TRIM47: variants seen among roughly 807,000 people sequenced by gnomAD.
TRIM47 encodes tripartite motif containing 47, also known as E3 ubiquitin-protein ligase TRIM47.
Under a neutral mutation model 54.4 loss-of-function variants are expected in TRIM47, and 46 were observed. The observed-to-expected ratio is 0.84, with a 90% CI of 0.67 to 1.08. The LOEUF (loss-of-function observed/expected upper bound fraction) is 1.08. TRIM47 is among the 50% of genes least tolerant of loss of function. The probability of loss-of-function intolerance (pLI) is 0.00; values close to 1 mark genes in which losing one functional copy is unlikely to be tolerated. For synonymous variants in TRIM47, 392 were observed against 410.2 expected, an observed-to-expected ratio of 0.96 and a Z score of 0.54; for missense variants, 825 against 910.1, an observed-to-expected ratio of 0.91 and a Z score of 1.20.
rs1599435523 is a variant in TRIM47, at chr17:75,875,211, A to C, written c.1277-88T>G. Reference sequence around the variant, plus strand: ...CCCCAAGTACCCACCCCCCCAAAACACAGCCTCTCCCCTGCTTTCCAACCG... The same window carrying C: ...CCCCAAGTACCCACCCCCCCAAAACCCAGCCTCTCCCCTGCTTTCCAACCG... On this transcript the variant is annotated intron_variant, in intron 5 of 5. Coordinates refer to ENST00000254816, the MANE Select transcript of TRIM47 (RefSeq NM_033452.3). This position sits in a 1 kb window ranked among gnomAD's most constrained non-coding sequence, Gnocchi z 6.1. 56 of 1,379,538 alleles carry C rather than the reference A, an allele frequency of 4.1e-5. No homozygotes were observed. The highest frequency in any genetic ancestry group is 4.6e-5 in the Non-Finnish European group (47 of 1,031,186). 85.5% of individuals were successfully genotyped at this position (1,379,538 alleles called of 1,614,324 possible).
chr17:75,874,970 A>C lies in TRIM47; in HGVS notation c.1430T>G (p.Leu477Arg). Reference sequence around the variant, plus strand: ...CTCCCAGTAGTAGGTGCCTCGGTCCAGGGCACCCTCGCCCAGCACCTGCTC... The same window carrying C: ...CTCCCAGTAGTAGGTGCCTCGGTCCCGGGCACCCTCGCCCAGCACCTGCTC... Reference protein sequence around the residue: ...HCEQVLGEGALDRGTYYWEVE... With the variant: ...HCEQVLGEGARDRGTYYWEVE... Residue 477 changes from leucine to arginine, a missense_variant, in exon 6 of 6, where the codon CTG (leucine) becomes CGG (arginine). Leu to Arg is a moderately radical substitution (Grantham distance 102). Transcript: ENST00000254816. The surrounding 1 kb of genome is among the most constrained non-coding windows in gnomAD (Gnocchi z 6.2). The C allele has an allele frequency of 6.2e-7, 1 of 1,614,100 alleles. No homozygotes were observed. The highest frequency in any genetic ancestry group is 8.5e-7 in the Non-Finnish European group (1 of 1,179,994).
intron 1 of TRIM47, 24 bp downstream of exon 1, chr17:75,877,850 C>A: frequency 7.6e-7 from 1 of 1,309,534 alleles, no homozygotes. Flanking sequence ...CCCCGGCTCA[C>A]CCGAGTGTGC....
At chr17:75,876,215 C>T (rs2065132871) in intron 3 of TRIM47, 47 bp downstream of exon 3, 2 of 1,573,504 alleles carry the variant, frequency 1.3e-6, no homozygotes, top group Non-Finnish European at 1.7e-6. Context: ...CTCCACCCCA[C>T]CTGTCCCAGC....
chr17:75,875,273 T>C lies in TRIM47; in HGVS notation c.1276+127A>G. On this transcript the variant is annotated intron_variant, in intron 5 of 5. Transcript: ENST00000254816. This position sits in a 1 kb window ranked among gnomAD's most constrained non-coding sequence, Gnocchi z 6.1. ...CCCCGCCGGGGACCACCCCAGGAGC[T>C]GCCCTAGCTCTCCCCACAAACTGGG... 7.3e-7 allele frequency: 1 copy of C among 1,378,718 alleles called. No individual in the cohort carries two copies. Among genetic ancestry groups the C allele is most frequent in the Non-Finnish European group, 1.0e-6 (1 of 1,004,268 alleles). 85.4% of individuals were successfully genotyped at this position (1,378,718 alleles called of 1,614,324 possible).
chr17:75,877,932 G>A lies in TRIM47; in HGVS notation c.617C>T (p.Ala206Val). 3.5e-6 allele frequency: 5 copies of A among 1,440,914 alleles called. No individual in the cohort carries two copies. In the South Asian group the frequency reaches 5.5e-5, roughly 16 times the overall value. The allele number at this position is 1,440,914 out of a possible 1,614,324, so 89.3% of individuals were successfully genotyped here. Residue 206 changes from alanine (A) to valine (V), a missense_variant, in exon 1 of 6, where the codon GCA becomes GTA. Transcript: ENST00000254816. ...ERVCLCEACA[A>V]QEHRGHELVP... ...CAGCTCGTGGCCGCGGTGCTCCTGT[G>A]CGGCGCAGGCCTCGCACAGACACAC... is the stretch of plus-strand genomic sequence containing the variant.
chr17:75,878,455 A>G lies in TRIM47; in HGVS notation c.94T>C (p.Cys32Arg), dbSNP rs2065149508. Reference protein sequence around the residue: ...LPCGHNFCLACLGALWPHRGA... With the variant: ...LPCGHNFCLARLGALWPHRGA... ...CGATGCGGCCAGAGCGCGCCCAGGC[A>G]GGCGAGACAGAAGTTGTGGCCGCAG... Residue 32 changes from cysteine (C) to arginine (R), a missense_variant, in exon 1 of 6, where the codon TGC (cysteine) becomes CGC (arginine). By Grantham distance (180) the Cys-to-Arg change is radical. Coordinates refer to ENST00000254816, the MANE Select transcript of TRIM47 (RefSeq NM_033452.3). 11 of 1,428,726 alleles carry G rather than the reference A, an allele frequency of 7.7e-6. No individual in the cohort carries two copies. The highest frequency in any genetic ancestry group is 1.0e-5 in the Non-Finnish European group (11 of 1,080,910). The allele number at this position is 1,428,726 out of a possible 1,614,324, so 88.5% of individuals were successfully genotyped here. A position where few individuals can be genotyped will look rare whatever the true frequency, so the allele number is the denominator to read the frequency against.
At position 75,876,331 on chromosome 17, in the gene TRIM47, G is replaced by C. The variant is rs1380933112; in HGVS notation, c.933C>G (p.Arg311=). 1.2e-6 allele frequency: 2 copies of C among 1,611,362 alleles called. No individual in the cohort carries two copies. The highest frequency in any genetic ancestry group is 1.7e-6 in the Non-Finnish European group (2 of 1,179,950). The change falls in exon 3 of 6, where the codon CGC becomes CGG. Residue 311 remains arginine (R), a synonymous_variant. Coordinates refer to ENST00000254816, the MANE Select transcript of TRIM47 (RefSeq NM_033452.3). The part of the protein sequence containing the change: ...QGDLRRQEEQ[R]SRLSRARQNL... ...TCTGGCGGGCTCGGCTCAGGCGGCTGCGCTGTTCCTCCTGTCGCCGCAGGT... is the reference window on the plus strand; with the variant it reads ...TCTGGCGGGCTCGGCTCAGGCGGCTCCGCTGTTCCTCCTGTCGCCGCAGGT...
In TRIM47 at chr17:75,876,355, G is replaced by A; in HGVS notation, c.909C>T (p.Asp303=). The A allele has an allele frequency of 6.2e-7, 1 of 1,612,040 alleles. No individual in the cohort carries two copies. Among genetic ancestry groups the A allele is most frequent in the Non-Finnish European group, 8.5e-7 (1 of 1,179,980 alleles). ...EAAMLGRSQG[D]LRRQEEQRSR... is the part of the protein sequence containing the mutation. ...TGCGCTGTTCCTCCTGTCGCCGCAG[G>A]TCACCCTGGGAGCGGCCTAGCATGG... The change falls in exon 3 of 6, where the codon GAC becomes GAT. Residue 303 remains aspartate (D), a synonymous_variant. Coordinates refer to ENST00000254816, the MANE Select transcript of TRIM47 (RefSeq NM_033452.3).
rs767416392 is a variant in TRIM47 at position 75,875,115 on chromosome 17, T to C, written c.1285A>G (p.Ile429Val). 1 of 1,593,304 alleles carries C rather than the reference T, an allele frequency of 6.3e-7. No individual in the cohort carries two copies. ...PRDYFLKFAY[I>V]VDLDSDTADK... ...GCTGTGTCGCTGTCCAAATCCACAA[T>C]ATAGGCAACTGATCCCGTGGACAGA... Residue 429 changes from isoleucine (I) to valine (V), a missense_variant, in exon 6 of 6, where the codon ATT (isoleucine) becomes GTT (valine). Physicochemically the swap from Ile to Val is conservative, Grantham distance 29. Coordinates refer to ENST00000254816, the MANE Select transcript of TRIM47 (RefSeq NM_033452.3). The surrounding 1 kb of genome is among the most constrained non-coding windows in gnomAD (Gnocchi z 6.1).
chr17:75,877,858 T>C lies in TRIM47; in HGVS notation c.675+16A>G. ...TCACCAGCCCCGGCTCACCCGAGTG[T>C]GCCCCCGGAGCCCACCTCCTGAAGC... On this transcript the variant is annotated intron_variant, in intron 1 of 5. Coordinates refer to ENST00000254816, the MANE Select transcript of TRIM47 (RefSeq NM_033452.3). The C allele has an allele frequency of 7.6e-7, 1 of 1,312,800 alleles. No individual in the cohort carries two copies. The highest frequency in any genetic ancestry group is 9.7e-7 in the Non-Finnish European group (1 of 1,031,296). 81.3% of individuals were successfully genotyped at this position (1,312,800 alleles called of 1,614,324 possible). A position where few individuals can be genotyped will look rare whatever the true frequency, so the allele number is the denominator to read the frequency against.
intron 3 of TRIM47, 56 bp from the exon 4 acceptor site, chr17:75,876,155 G>C: frequency 1.9e-6 from 3 of 1,581,716 alleles, no homozygotes; most frequent in Non-Finnish European, 2.6e-6. Context: ...TCCTTGCTGG[G>C]GGTGGAGGCA....
intron 3 of TRIM47, 44 bp downstream of exon 3, chr17:75,876,218 G>C: frequency 1.3e-6 from 2 of 1,575,568 alleles, no homozygotes; most frequent in Non-Finnish European, 1.7e-6. Flanking sequence ...CACCCCACCT[G>C]TCCCAGCTTC....
Position 75,878,214 on chromosome 17 carries a change from G to T in TRIM47, c.335C>A (p.Ser112Ter). 1 of 1,228,582 alleles carries T rather than the reference G, an allele frequency of 8.1e-7. No homozygotes were observed. Among genetic ancestry groups the T allele is most frequent in the Non-Finnish European group, 1.0e-6 (1 of 986,120 alleles). 76.1% of individuals were successfully genotyped at this position (1,228,582 alleles called of 1,614,324 possible). Reference protein sequence around the residue: ...PSALPSVPEPSAPCAPEPWPA... With the variant: ...PSALPSVPEP Reference sequence around the variant, plus strand: ...CCACGGCTCGGGAGCGCAGGGGGCCGACGGCTCCGGGACACTGGGCAGCGC... The same window carrying T: ...CCACGGCTCGGGAGCGCAGGGGGCCTACGGCTCCGGGACACTGGGCAGCGC... Residue 112 changes from serine (S) to a stop codon, truncating the protein, a stop_gained, in exon 1 of 6, where the codon TCG becomes TAG. Transcript: ENST00000254816. LOFTEE classifies it high-confidence loss of function.
In TRIM47 at chr17:75,875,377, AG is replaced by A. The variant is rs1251368561; in HGVS notation, c.1276+22del. 1.2e-6 allele frequency: 2 copies of A among 1,612,492 alleles called. No homozygotes were observed. Among genetic ancestry groups the A allele is most frequent in the Admixed American group, 3.3e-5 (2 of 59,986 alleles). On this transcript the variant is annotated intron_variant, in intron 5 of 5. Transcript: ENST00000254816. This position sits in a 1 kb window ranked among gnomAD's most constrained non-coding sequence, Gnocchi z 6.1. ...CCCTGGGAGGGCCCAGTGTGAGTGGAGGGGGCACGGGCGTCCACTTACACTT... is the reference window on the plus strand; with the variant it reads ...CCCTGGGAGGGCCCAGTGTGAGTGGAGGGGCACGGGCGTCCACTTACACTT...
In TRIM47 at chr17:75,875,855, G is replaced by A. The variant is rs1041512136; in HGVS notation, c.1201+46C>T. 3 of 1,587,412 alleles carry A rather than the reference G, an allele frequency of 1.9e-6. No homozygotes were observed. The African/African-American group carries it at 4.0e-5, about 21-fold the overall frequency. The stretch of plus-strand genomic sequence containing the variant: ...GCCAGGCCTGGGGGCCTGTGCGAGA[G>A]GCTGGCAGAGGGTGAGTCATCGGGG... On this transcript the variant is annotated intron_variant, in intron 4 of 5. Coordinates refer to ENST00000254816, the MANE Select transcript of TRIM47 (RefSeq NM_033452.3). This position sits in a 1 kb window ranked among gnomAD's most constrained non-coding sequence, Gnocchi z 6.1.
rs779194535 is a variant in TRIM47 at position 75,874,909 on chromosome 17, G to A, written c.1491C>T (p.Val497=). 1.1e-5 allele frequency: 17 copies of A among 1,614,012 alleles called. No individual in the cohort carries two copies. Among genetic ancestry groups the A allele is most frequent in the Non-Finnish European group, 1.4e-5 (16 of 1,180,008 alleles). Residue 497 remains valine, a synonymous_variant, in exon 6 of 6, where the codon GTC becomes GTT. Transcript: ENST00000254816. The surrounding 1 kb of genome is among the most constrained non-coding windows in gnomAD (Gnocchi z 6.2). ...EIIEGWVSMG[V]MAEDFSPQEP... ...CTTGTGGGGAGAAGTCTTCGGCCAT[G>A]ACCCCCATGCTGACCCAGCCCTCGA... is the stretch of plus-strand genomic sequence containing the variant.
Position 75,875,625 on chromosome 17 carries a change from T to C in TRIM47, c.1202-151A>G. 1.3e-6 allele frequency: 1 copy of C among 751,380 alleles called. No individual in the cohort carries two copies. Among genetic ancestry groups the C allele is most frequent in the East Asian group, 2.7e-5 (1 of 37,292 alleles). The allele number at this position is 751,380 out of a possible 1,614,324, so 46.5% of individuals were successfully genotyped here. A position where few individuals can be genotyped will look rare whatever the true frequency, so the allele number is the denominator to read the frequency against. ...ATGTGGCACGCTGTGCTCACACACA[T>C]GCCCGTTGCCTGTGTTCTGCCTCTT... On this transcript the variant is annotated intron_variant, in intron 4 of 5. Coordinates refer to ENST00000254816, the MANE Select transcript of TRIM47 (RefSeq NM_033452.3). This position sits in a 1 kb window ranked among gnomAD's most constrained non-coding sequence, Gnocchi z 6.1.
chr17:75,878,472 TGGCCGCAGGGCAGC>T lies in TRIM47; in HGVS notation c.63_76del (p.Leu22GlnfsTer201), dbSNP rs1249382908. On this transcript the variant is annotated frameshift_variant, in exon 1 of 6. Coordinates refer to ENST00000254816, the MANE Select transcript of TRIM47 (RefSeq NM_033452.3). LOFTEE classifies it high-confidence loss of function. ...GCCCAGGCAGGCGAGACAGAAGTTG[TGGCCGCAGGGCAGC>T]GTCACCGGCTCCCGGAGTGGCTCTA... 5.6e-6 allele frequency: 8 copies of T among 1,417,994 alleles called. No homozygotes were observed. Among genetic ancestry groups the T allele is most frequent in the Non-Finnish European group, 7.5e-6 (8 of 1,073,624 alleles). 87.8% of individuals were successfully genotyped at this position (1,417,994 alleles called of 1,614,324 possible).
In TRIM47 at chr17:75,876,437, G is replaced by C. The variant is rs1458930160; in HGVS notation, c.827C>G (p.Ala276Gly). 1 of 1,611,390 alleles carries C rather than the reference G, an allele frequency of 6.2e-7. No homozygotes were observed. The highest frequency in any genetic ancestry group is 8.5e-7 in the Non-Finnish European group (1 of 1,179,886). Reference protein sequence around the residue: ...RVSRLFADAAAALQGFQTQVL... With the variant: ...RVSRLFADAAGALQGFQTQVL... The stretch of plus-strand genomic sequence containing the variant: ...CTGGGTCTGGAAGCCCTGCAGGGCG[G>C]CCGCAGCATCTGCAAACAGCCGGCT... Residue 276 changes from alanine to glycine, a missense_variant, in exon 3 of 6, where the codon GCC (alanine) becomes GGC (glycine). Transcript: ENST00000254816.
Sources: gnomAD v4.1 joint callset for allele counts on GRCh38, gnomAD v4.1.1 for gene constraint, Gnocchi (gnomAD v3.1) non-coding constraint, MANE v1.5 for transcripts, NCBI Gene and HGNC (gene_info 2026-07-23, HGNC 2026-07-21) for gene names.